The following ABAT variants were observed in gnomAD, a reference collection of about 807,000 sequenced individuals.
The protein encoded by ABAT is 4-aminobutyrate aminotransferase, mitochondrial.
In ABAT, 45 loss-of-function variants were observed where a neutral mutation model predicts 64.6. The observed-to-expected ratio is 0.70, with a 90% confidence interval of 0.55 to 0.89. The LOEUF (loss-of-function observed/expected upper bound fraction) is 0.89, where lower values mean the gene tolerates loss of function less well. ABAT is among the 40% of genes least tolerant of loss of function. The probability of loss-of-function intolerance (pLI) is 0.00; values close to 1 mark genes in which losing one functional copy is unlikely to be tolerated. For synonymous variants in ABAT, 297 were observed against 250.5 expected, an observed-to-expected ratio of 1.19 and a Z score of -1.75; for missense variants, 633 against 658.4, an observed-to-expected ratio of 0.96 and a Z score of 0.42.
chr16:8,775,335 T>C (rs1285327085), intron 13 of ABAT, among the ~76,000 whole-genome samples: 4 of 152,216 alleles, frequency 2.6e-5, no homozygotes, highest in Non-Finnish European at 5.9e-5. Flanking sequence ...AGACTGAGCA[T>C]TTGCTATGTG....
chr16:8,747,061 A>G (rs1357330904), intron 3 of ABAT, among the ~76,000 whole-genome samples: 1 of 152,196 alleles, frequency 6.6e-6, no homozygotes, highest in Non-Finnish European at 1.5e-5. Context: ...TACAAAAGCA[A>G]GAGGAGAACA....
Position 8,768,236 on chromosome 16 carries a change from C to T in ABAT, c.647C>T (p.Ala216Val), listed in dbSNP as rs759472888. The change falls in exon 10 of 16, where the codon GCG (alanine) becomes GTG (valine). Residue 216 changes from alanine (A) to valine (V), a missense_variant. Ala to Val is a moderately conservative substitution (Grantham distance 64). Coordinates refer to ENST00000268251, the MANE Select transcript of ABAT (RefSeq NM_020686.6). ...TACAGCATCCTCTCCTTCATGGGCG[C>T]GTTCCATGGGAGGACCATGGGTAAG... Reference protein sequence around the residue: ...PDYSILSFMGAFHGRTMGCLA... With the variant: ...PDYSILSFMGVFHGRTMGCLA... 9 of 1,613,974 alleles carry T rather than the reference C, an allele frequency of 5.6e-6. No homozygotes were observed. Among genetic ancestry groups the T allele is most frequent in the African/African-American group, 1.3e-5 (1 of 74,920 alleles).
chr16:8,757,000 T>A (rs1337531631), intron 5 of ABAT, among the ~76,000 whole-genome samples: 1 of 152,126 alleles, frequency 6.6e-6, no homozygotes, highest in African/African-American at 2.4e-5. Flanking sequence ...AGATTGCAGG[T>A]GGCATCACTA....
chr16:8,717,899 C>T (rs2142143096), intron 1 of ABAT, among the ~76,000 whole-genome samples: 1 of 152,110 alleles, frequency 6.6e-6, no homozygotes, highest in South Asian at 2.1e-4. Flanking sequence ...AAGCGATCCT[C>T]TCACCTTGGC....
At position 8,779,248 on chromosome 16, in the gene ABAT, T is replaced by C. The variant is rs549805833; in HGVS notation, c.1270-231T>C. 3.9e-5 allele frequency among the ~76,000 whole-genome samples: 6 copies of C among 151,922 alleles called. No homozygotes were observed. In the South Asian group the frequency reaches 1.2e-3, roughly 32 times the overall value. ...GGACAGAGCTGGGCTTGGTTGTTGT[T>C]GCTGGTGGTGGTGGTGGTGGTTTTT... On this transcript the variant is annotated intron_variant, in intron 14 of 15. Coordinates refer to ENST00000268251, the MANE Select transcript of ABAT (RefSeq NM_020686.6).
At chr16:8,748,044 G>C in intron 3 of ABAT, 64 bp from the exon 4 acceptor site, 1 of 1,511,984 alleles carries the variant, frequency 6.6e-7, no homozygotes, top group Non-Finnish European at 9.2e-7. Flanking sequence ...AAACATGAAA[G>C]ATTTTAAGCT....
At chr16:8,707,466 C>T (rs1259568837) in intron 1 of ABAT, among the ~76,000 whole-genome samples, 1 of 150,928 alleles carries the variant, frequency 6.6e-6, no homozygotes, top group African/African-American at 2.4e-5. Context: ...GGATTACAGG[C>T]ATGAGCCAAT....
intron 3 of ABAT, 70 bp downstream of exon 3, chr16:8,746,168 C>T (rs2103340): frequency 0.58 from 678,992 of 1,166,710 alleles, 203,318 homozygotes; most frequent in Admixed American, 0.64. Context: ...AAAAGCACAG[C>T]CAAGCTTAGG....
Position 8,764,144 on chromosome 16 carries a change from C to G in ABAT, c.442C>G (p.Leu148Val). ...TGTGGAGAAGCTCCGGCAGTCCTTG[C>G]TCTCGGTGAGTTCTGGAGAAGCAAT... ...NFVEKLRQSL[L>V]SVAPKGMSQL... The change falls in exon 7 of 16, where the codon CTC (leucine) becomes GTC (valine). Residue 148 changes from leucine (L) to valine (V), a missense_variant. Transcript: ENST00000268251. This position sits in a 1 kb window ranked among gnomAD's most constrained non-coding sequence, Gnocchi z 4.2. The G allele has an allele frequency of 6.2e-7, 1 of 1,613,312 alleles. No homozygotes were observed. The highest frequency in any genetic ancestry group is 8.5e-7 in the Non-Finnish European group (1 of 1,179,902).
chr16:8,695,385 G>T, intron 1 of ABAT, among the ~76,000 whole-genome samples: 1 of 152,172 alleles, frequency 6.6e-6, no homozygotes, highest in East Asian at 1.9e-4. Flanking sequence ...CCCAATGATT[G>T]TAAAGATTGT....
intron 1 of ABAT, among the ~76,000 whole-genome samples, chr16:8,693,378 G>C (rs929968300): frequency 6.6e-6 from 1 of 151,074 alleles, no homozygotes; most frequent in African/African-American, 2.4e-5. Context: ...AAAAATTCCA[G>C]TATATTTATT....
chr16:8,711,039 A>T (rs1007151750), intron 1 of ABAT, among the ~76,000 whole-genome samples: 1 of 152,148 alleles, frequency 6.6e-6, no homozygotes, highest in African/African-American at 2.4e-5. Context: ...ACCAGTTCCC[A>T]CTCATGGACA....
chr16:8,706,404 CAA>C (rs56329419), intron 1 of ABAT, among the ~76,000 whole-genome samples: 28 of 95,052 alleles, frequency 2.9e-4, no homozygotes, highest in Admixed American at 7.2e-4. Context: ...GACCCTGTTT[CAA>C]AAAAAAAAAA....
chr16:8,733,391 G>A (rs1331524139), intron 1 of ABAT, among the ~76,000 whole-genome samples: 1 of 151,724 alleles, frequency 6.6e-6, no homozygotes, highest in Non-Finnish European at 1.5e-5. Context: ...CAGACGATGG[G>A]CGGCCAGGCA....
intron 9 of ABAT, among the ~76,000 whole-genome samples, chr16:8,767,128 G>T (rs529013734): frequency 7.9e-5 from 12 of 152,172 alleles, no homozygotes; most frequent in African/African-American, 1.2e-4. Flanking sequence ...TCCCTCTGAG[G>T]CACCTCCAGC....
intron 2 of ABAT, 79 bp downstream of exon 2, chr16:8,735,888 C>G (rs1342232210): frequency 7.6e-7 from 1 of 1,317,870 alleles, no homozygotes; most frequent in African/African-American, 1.4e-5. Context: ...GCTGGAAGAG[C>G]CCTTGGGGAT....
At chr16:8,765,648 C>G (rs2059922427) in intron 8 of ABAT, 1 of 153,102 alleles carries the variant, frequency 6.5e-6, no homozygotes, top group African/African-American at 2.4e-5. Context: ...CTGAGAGACA[C>G]AGCAAGAGCA....
chr16:8,738,035 C>T (rs375926456), intron 2 of ABAT, among the ~76,000 whole-genome samples: 1 of 86,010 alleles, frequency 1.2e-5, no homozygotes, highest in Non-Finnish European at 2.3e-5. Flanking sequence ...GAAAGAAGGA[C>T]AGACAGACAA....
In ABAT at chr16:8,764,888, C is replaced by T. The variant is rs1394429658; in HGVS notation, c.540+58C>T. On this transcript the variant is annotated intron_variant, in intron 8 of 15. Transcript: ENST00000268251. This position sits in a 1 kb window ranked among gnomAD's most constrained non-coding sequence, Gnocchi z 4.2. ...ACAGGCTCCCCAGCACCCAGCCACA[C>T]GCTCACCCCTTGTCTGACTGTTCAT... 6.7e-5 allele frequency: 96 copies of T among 1,440,404 alleles called. No individual in the cohort carries two copies. The highest frequency in any genetic ancestry group is 1.7e-4 in the Middle Eastern group (1 of 5,778). 89.2% of individuals were successfully genotyped at this position (1,440,404 alleles called of 1,614,324 possible).
Sources: gnomAD v4.1 joint callset for allele counts (sites outside exome capture counted in the v4.1 genomes callset) on GRCh38, gnomAD v4.1.1 for gene constraint, Gnocchi (gnomAD v3.1) non-coding constraint, MANE v1.5 for transcripts, NCBI Gene and HGNC (gene_info 2026-07-23, HGNC 2026-07-21) for gene names.